Variants in NFIA observed in about 807,000 individuals in gnomAD.
The protein encoded by NFIA is nuclear factor 1 A-type.
In NFIA, 8 loss-of-function variants were observed where a neutral mutation model predicts 62.8. That is an observed-to-expected ratio of 0.13 (90% CI 0.07 to 0.23). The LOEUF (loss-of-function observed/expected upper bound fraction) is 0.23, where lower values mean the gene tolerates loss of function less well. NFIA is among the 10% of genes least tolerant of loss of function. The pLI is 1.00. For synonymous variants in NFIA, 235 were observed against 238.1 expected, an observed-to-expected ratio of 0.99 and a Z score of 0.12; for missense variants, 410 against 642.1, an observed-to-expected ratio of 0.64 and a Z score of 3.91.
At chr1:61,085,540 C>CA (rs1646203306) in intron 1 of NFIA, among the ~76,000 whole-genome samples, 3 of 151,838 alleles carry the variant, frequency 2.0e-5, no homozygotes, top group Admixed American at 2.0e-4. Context: ...GCGATATGTT[C>CA]AGCAACATGA....
intron 2 of NFIA, among the ~76,000 whole-genome samples, chr1:61,245,162 C>G (rs572759651): frequency 6.6e-6 from 1 of 152,202 alleles, no homozygotes; most frequent in East Asian, 1.9e-4. Context: ...TAACTTTCAA[C>G]CTATAAAATT....
At chr1:61,282,268 A>G (rs1341623817) in intron 3 of NFIA, among the ~76,000 whole-genome samples, 1 of 152,126 alleles carries the variant, frequency 6.6e-6, no homozygotes, top group East Asian at 1.9e-4. Flanking sequence ...TAGGGAATGC[A>G]GTTCAGACAA....
chr1:61,113,131 T>A (rs954942640), intron 2 of NFIA, among the ~76,000 whole-genome samples: 17 of 152,160 alleles, frequency 1.1e-4, no homozygotes, highest in Admixed American at 9.2e-4. Flanking sequence ...ATTCTTTAAT[T>A]TGATTCTATA....
At chr1:61,188,046 T>C (rs1490297412) in intron 2 of NFIA, among the ~76,000 whole-genome samples, 1 of 151,946 alleles carries the variant, frequency 6.6e-6, no homozygotes, top group Non-Finnish European at 1.5e-5. Context: ...TTGAAGTGTT[T>C]TTGTTTGTTT....
chr1:61,234,292 G>A (rs547867738), intron 2 of NFIA, among the ~76,000 whole-genome samples: 8 of 151,000 alleles, frequency 5.3e-5, no homozygotes, highest in Non-Finnish European at 8.9e-5. Flanking sequence ...GCTTGAACCC[G>A]GGAGGCGGAG....
At chr1:61,368,031 C>T (rs959832969) in intron 6 of NFIA, among the ~76,000 whole-genome samples, 19 of 152,342 alleles carry the variant, frequency 1.2e-4, no homozygotes, top group African/African-American at 3.6e-4. Context: ...AACGAATGAG[C>T]GTTGCTCCGC....
At chr1:61,270,447 T>C (rs1211605140) in intron 2 of NFIA, among the ~76,000 whole-genome samples, 1 of 152,208 alleles carries the variant, frequency 6.6e-6, no homozygotes, top group Non-Finnish European at 1.5e-5. Context: ...AAATAGCATG[T>C]TTACACTTGA....
At chr1:61,227,361 T>G (rs1376535513) in intron 2 of NFIA, among the ~76,000 whole-genome samples, 1 of 152,210 alleles carries the variant, frequency 6.6e-6, no homozygotes, top group Non-Finnish European at 1.5e-5. Context: ...TCAAGCTTGA[T>G]TTCATAATCT....
intron 3 of NFIA, among the ~76,000 whole-genome samples, chr1:61,320,884 T>C (rs912241158): frequency 6.6e-6 from 1 of 152,174 alleles, no homozygotes; most frequent in African/African-American, 2.4e-5. Flanking sequence ...TCTGATGTAT[T>C]CAGGGAATAC....
chr1:61,081,668 C>T (rs1368613755), upstream of NFIA: 15 of 504,288 alleles, frequency 3.0e-5, no homozygotes, highest in Non-Finnish European at 5.4e-5. Context: ...GGAGGGATAA[C>T]GCTCATTAAT....
upstream of NFIA, chr1:61,082,225 G>C (rs1341229849): frequency 6.9e-5 from 37 of 535,556 alleles, no homozygotes; most frequent in South Asian, 5.3e-5. Flanking sequence ...CGGGGAGCGA[G>C]CGGGAGAGCG....
At chr1:61,413,594 TAAC>T (rs1381591994) in intron 9 of NFIA, among the ~76,000 whole-genome samples, 11 of 147,958 alleles carry the variant, frequency 7.4e-5, no homozygotes, top group Non-Finnish European at 1.3e-4. Context: ...TGTCAGAAAT[TAAC>T]AACAACAAAG....
intron 9 of NFIA, among the ~76,000 whole-genome samples, chr1:61,425,668 A>T (rs1666832859): frequency 6.6e-6 from 1 of 152,182 alleles, no homozygotes; most frequent in Admixed American, 6.5e-5. Context: ...AAGCCACTGA[A>T]TTTTTTCCCA....
At chr1:61,305,638 T>C (rs895518755) in intron 3 of NFIA, among the ~76,000 whole-genome samples, 2 of 152,150 alleles carry the variant, frequency 1.3e-5, no homozygotes, top group Admixed American at 6.5e-5. Flanking sequence ...CCTTCAATGC[T>C]CTTCCAATAG....
In NFIA at chr1:61,082,735, C is replaced by G. The variant is rs1161168548; in HGVS notation, c.-57C>G. The G allele has an allele frequency of 1.9e-6, 3 of 1,551,480 alleles. No individual in the cohort carries two copies. The highest frequency in any genetic ancestry group is 3.9e-5 in the Admixed American group (2 of 51,076). ...CTTTCTCCTCTCTCACCCACACTCA[C>G]GCACACCTCCAAACCGCACACCCAG... On this transcript the variant is annotated 5_prime_UTR_variant, in exon 1 of 11. Coordinates refer to ENST00000403491, the MANE Select transcript of NFIA (RefSeq NM_001134673.4).
intron 2 of NFIA, among the ~76,000 whole-genome samples, chr1:61,102,833 T>C (rs17121603): frequency 0.062 from 9,445 of 152,188 alleles, 754 homozygotes; most frequent in East Asian, 0.35. Flanking sequence ...AATTGCATAC[T>C]CCTGCTAGGC....
chr1:61,436,871 C>G (rs1486082003), intron 10 of NFIA, among the ~76,000 whole-genome samples: 1 of 152,198 alleles, frequency 6.6e-6, no homozygotes, highest in African/African-American at 2.4e-5. Context: ...TTCTAATTGG[C>G]TTTTCACTTT....
At chr1:61,424,389 A>T (rs1247288245) in intron 9 of NFIA, among the ~76,000 whole-genome samples, 1 of 150,116 alleles carries the variant, frequency 6.7e-6, no homozygotes, top group Non-Finnish European at 1.5e-5. Context: ...ATCAGTTAGC[A>T]TGCTTGTTTT....
At position 61,455,664 on chromosome 1, in the gene NFIA, C is replaced by T; in HGVS notation, c.*344C>T. The T allele has an allele frequency of 2.7e-6, 1 of 370,190 alleles. No individual in the cohort carries two copies. The highest frequency in any genetic ancestry group is 6.3e-5 in the South Asian group (1 of 15,814). The allele number at this position is 370,190 out of a possible 1,614,324, so 22.9% of individuals were successfully genotyped here. A position where few individuals can be genotyped will look rare whatever the true frequency, so the allele number is the denominator to read the frequency against. On this transcript the variant is annotated 3_prime_UTR_variant, in exon 11 of 11. Transcript: ENST00000403491. ...AGGACTACCCTTGCTCACTGACTTC[C>T]TGTTGTAACACACTTTCCTTACGGA...
Sources: allele counts gnomAD v4.1 joint callset (sites outside exome capture counted in the v4.1 genomes callset), GRCh38; gene constraint gnomAD v4.1.1; transcripts MANE v1.5; gene names NCBI Gene and HGNC (gene_info 2026-07-23, HGNC 2026-07-21).